Variants in NAALADL2 observed in about 807,000 individuals in gnomAD.
NAALADL2 encodes inactive N-acetylated-alpha-linked acidic dipeptidase-like protein 2.
A neutral mutation model predicts 87.2 loss-of-function variants in NAALADL2; 76 were observed. The observed-to-expected ratio is 0.87, with a 90% CI of 0.72 to 1.05. The LOEUF is 1.05. Ranked by LOEUF, NAALADL2 falls within the 50% of genes least tolerant of loss-of-function variation. NAALADL2 has a pLI of 0.00. For missense variants in NAALADL2, 1,089 were observed against 945.8 expected, an observed-to-expected ratio of 1.15 and a Z score of -1.99; for synonymous variants, 354 against 331.0, an observed-to-expected ratio of 1.07 and a Z score of -0.75.
intron 2 of NAALADL2, among the ~76,000 whole-genome samples, chr3:174,605,387 AG>A (rs1376211460): frequency 6.6e-6 from 1 of 152,200 alleles, no homozygotes; most frequent in Non-Finnish European, 1.5e-5. Flanking sequence ...GGGAAGCACA[AG>A]GGGTCAGGGA....
intron 1 of NAALADL2, among the ~76,000 whole-genome samples, chr3:175,006,085 T>A (rs867626597): frequency 2.6e-5 from 4 of 152,220 alleles, no homozygotes; most frequent in Non-Finnish European, 4.4e-5. Context: ...CTGATCATTA[T>A]CACCTGTTCC....
rs1400967706 is a variant in NAALADL2 at position 175,305,276 on chromosome 3, G to GTGTGTGTGTGTGTGTGTATGTT, written c.940-18898_940-18897insGTGTGTGTGTGTGTGTATGTTT. ...TGTGTGTGTGTGTGTGTGTGTATGT[G>GTGTGTGTGTGTGTGTGTATGTT]TATGTGTGTGTATGTGTTCTCCAAG... On this transcript the variant is annotated intron_variant, in intron 4 of 13. Transcript: ENST00000454872. Among the ~76,000 whole-genome samples the GTGTGTGTGTGTGTGTGTATGTT allele has an allele frequency of 2.6e-4, 36 of 139,944 alleles. No individual in the cohort carries two copies. The East Asian group carries it at 4.6e-3, about 18-fold the overall frequency. The allele number at this position is 139,944 out of a possible 152,430, so 91.8% of individuals were successfully genotyped here.
chr3:175,524,296 T>C (rs886337868), intron 9 of NAALADL2, among the ~76,000 whole-genome samples: 1 of 152,218 alleles, frequency 6.6e-6, no homozygotes. Flanking sequence ...GGGCAGAATA[T>C]TAGATTATCT....
At chr3:175,292,140 G>T (rs1334205749) in intron 4 of NAALADL2, among the ~76,000 whole-genome samples, 1 of 152,244 alleles carries the variant, frequency 6.6e-6, no homozygotes, top group Non-Finnish European at 1.5e-5. Flanking sequence ...TGGTGCGTTT[G>T]TCATTTGAGT....
intron 1 of NAALADL2, among the ~76,000 whole-genome samples, chr3:174,960,094 T>C (rs1186516138): frequency 6.6e-6 from 1 of 152,002 alleles, no homozygotes; most frequent in Non-Finnish European, 1.5e-5. Flanking sequence ...CAGAAGCTGT[T>C]TTAACAAGGT....
chr3:175,341,358 T>C (rs183772982), intron 5 of NAALADL2, among the ~76,000 whole-genome samples: 1 of 152,322 alleles, frequency 6.6e-6, no homozygotes, highest in East Asian at 1.9e-4. Flanking sequence ...GGCTGAATAC[T>C]ATCCCATTGT....
At chr3:174,769,339 G>A (rs936300028) in intron 3 of NAALADL2, among the ~76,000 whole-genome samples, 15 of 151,828 alleles carry the variant, frequency 9.9e-5, no homozygotes, top group Admixed American at 6.6e-4. Flanking sequence ...GTATGATAAA[G>A]GTTAAATCTT....
intron 5 of NAALADL2, among the ~76,000 whole-genome samples, chr3:175,442,444 C>A (rs967907815): frequency 1.3e-5 from 2 of 152,072 alleles, no homozygotes; most frequent in African/African-American, 2.4e-5. Flanking sequence ...TATTTTAATG[C>A]TAATTTCTTC....
intron 2 of NAALADL2, among the ~76,000 whole-genome samples, chr3:174,598,815 A>G (rs1718166792): frequency 6.6e-6 from 1 of 152,214 alleles, no homozygotes; most frequent in African/African-American, 2.4e-5. Flanking sequence ...TAGCCATCAT[A>G]TGTTGCTATC....
intron 2 of NAALADL2, among the ~76,000 whole-genome samples, chr3:174,601,434 A>G (rs78365960): frequency 6.6e-6 from 1 of 152,106 alleles, no homozygotes; most frequent in African/African-American, 2.4e-5. Context: ...TGCCATTTGT[A>G]TGTCTTCTTT....
intron 2 of NAALADL2, among the ~76,000 whole-genome samples, chr3:175,228,809 TA>T (rs1361143117): frequency 6.6e-6 from 1 of 151,908 alleles, no homozygotes; most frequent in South Asian, 2.1e-4. Context: ...GAGATTTGTA[TA>T]TTACAAATCA....
chr3:175,349,820 G>T (rs377539349), intron 5 of NAALADL2, among the ~76,000 whole-genome samples: 1 of 152,078 alleles, frequency 6.6e-6, no homozygotes, highest in Non-Finnish European at 1.5e-5. Context: ...AATCAAGGCC[G>T]ATGACTGGAA....
rs185602761 is a variant in NAALADL2 at position 174,990,843 on chromosome 3, A to T, written c.44-105947A>T. ...GGTCTGGGGTACATGGGACCGAGGT[A>T]TCAGTATTGTTGACCTCTCTACAAG... On this transcript the variant is annotated intron_variant, in intron 1 of 13. Coordinates refer to ENST00000454872, the MANE Select transcript of NAALADL2 (RefSeq NM_207015.3). 2.0e-5 allele frequency among the ~76,000 whole-genome samples: 3 copies of T among 152,248 alleles called. No homozygotes were observed. The East Asian group carries it at 5.8e-4, about 29-fold the overall frequency.
At chr3:175,753,244 C>T (rs956775835) in intron 12 of NAALADL2, among the ~76,000 whole-genome samples, 3 of 152,088 alleles carry the variant, frequency 2.0e-5, no homozygotes, top group East Asian at 1.9e-4. Context: ...CCTTCTACCA[C>T]GATTTTTAAC....
chr3:175,418,882 C>G (rs1181495019), intron 5 of NAALADL2, among the ~76,000 whole-genome samples: 2 of 152,006 alleles, frequency 1.3e-5, no homozygotes, highest in African/African-American at 4.8e-5. Flanking sequence ...TGTTGAGACT[C>G]AAAGACACTT....
At chr3:175,369,445 T>C (rs1391523867) in intron 5 of NAALADL2, 2 of 151,050 alleles carry the variant, frequency 1.3e-5, no homozygotes, top group African/African-American at 4.9e-5. Flanking sequence ...TACATATACA[T>C]GTTACATTTA....
intron 10 of NAALADL2, among the ~76,000 whole-genome samples, chr3:175,610,845 A>C (rs956428619): frequency 6.6e-6 from 1 of 152,072 alleles, no homozygotes; most frequent in African/African-American, 2.4e-5. Flanking sequence ...AACCATTCTG[A>C]GTGTTTTGCT....
intron 3 of NAALADL2, among the ~76,000 whole-genome samples, chr3:174,804,757 A>G (rs1342341578): frequency 6.6e-6 from 1 of 152,170 alleles, no homozygotes; most frequent in Non-Finnish European, 1.5e-5. Flanking sequence ...TCTATACAGT[A>G]AAAAAGTAGG....
intron 2 of NAALADL2, among the ~76,000 whole-genome samples, chr3:174,595,303 C>T (rs1161217977): frequency 6.6e-6 from 1 of 152,076 alleles, no homozygotes; most frequent in African/African-American, 2.4e-5. Flanking sequence ...CCCTTTCTCT[C>T]TGTCTTATTT....
Sources: allele counts gnomAD v4.1 joint callset (sites outside exome capture counted in the v4.1 genomes callset), GRCh38; gene constraint gnomAD v4.1.1; transcripts MANE v1.5; gene names NCBI Gene and HGNC (gene_info 2026-07-23, HGNC 2026-07-21).